The following PTPRD variants were observed in gnomAD, a reference collection of about 807,000 sequenced individuals.
PTPRD encodes receptor-type tyrosine-protein phosphatase delta.
PTPRD carries 34 observed loss-of-function variants against 214.5 expected under a neutral mutation model. The ratio of observed to expected loss-of-function variants is 0.16; its 90% confidence interval spans 0.12 to 0.21. The LOEUF (loss-of-function observed/expected upper bound fraction) is 0.21. Ranked by LOEUF, PTPRD falls within the 10% of genes least tolerant of loss-of-function variation. The pLI, the probability that PTPRD is intolerant of heterozygous loss-of-function variation, is 1.00. For missense variants in PTPRD, 2,545 were observed against 2,398.7 expected, an observed-to-expected ratio of 1.06 and a Z score of -1.27; for synonymous variants, 1,128 against 845.7, an observed-to-expected ratio of 1.33 and a Z score of -5.79.
In PTPRD at chr9:9,211,553, AC is replaced by A. The variant is rs1569562659; in HGVS notation, c.-202-28191del. On this transcript the variant is annotated intron_variant, in intron 9 of 45. Transcript: ENST00000381196. Reference sequence around the variant, plus strand: ...CACACACACACACACACACACACACACACACAAGAGCTAAGGTTTCTTCTCA... The same window carrying A: ...CACACACACACACACACACACACACAACACAAGAGCTAAGGTTTCTTCTCA... Among the ~76,000 whole-genome samples the A allele has an allele frequency of 7.1e-5, 10 of 140,648 alleles. 1 individual carries two copies. The highest frequency in any genetic ancestry group is 2.6e-4 in the African/African-American group (10 of 39,106). 92.3% of individuals were successfully genotyped at this position (140,648 alleles called of 152,430 possible). A position where few individuals can be genotyped will look rare whatever the true frequency, so the allele number is the denominator to read the frequency against.
At chr9:10,440,851 T>C (rs1188581388) in intron 2 of PTPRD, among the ~76,000 whole-genome samples, 1 of 151,750 alleles carries the variant, frequency 6.6e-6, no homozygotes, top group African/African-American at 2.4e-5. Context: ...CAATGAATTG[T>C]TCTAAATTAC....
intron 12 of PTPRD, among the ~76,000 whole-genome samples, chr9:8,709,057 G>T (rs911173768): frequency 6.6e-6 from 1 of 152,032 alleles, no homozygotes; most frequent in Non-Finnish European, 1.5e-5. Context: ...TGATTTCATA[G>T]AAGTAGAAAG....
At chr9:9,467,710 C>G (rs562126760) in intron 8 of PTPRD, among the ~76,000 whole-genome samples, 1 of 148,400 alleles carries the variant, frequency 6.7e-6, no homozygotes, top group Non-Finnish European at 1.5e-5. Context: ...TTATTTTGTA[C>G]TTCTATAGTT....
chr9:9,988,926 C>A (rs934256673), intron 4 of PTPRD, among the ~76,000 whole-genome samples: 1 of 140,246 alleles, frequency 7.1e-6, no homozygotes, highest in African/African-American at 2.6e-5. Context: ...AAAATGAGAC[C>A]AATTACCTTC....
At chr9:9,297,801 G>C (rs758977620) in intron 9 of PTPRD, among the ~76,000 whole-genome samples, 118 of 151,760 alleles carry the variant, frequency 7.8e-4, no homozygotes, top group Middle Eastern at 3.4e-3. Context: ...ATTAATATAA[G>C]AGTTAAATGA....
At chr9:9,739,220 T>A (rs1279434690) in intron 6 of PTPRD, among the ~76,000 whole-genome samples, 2 of 152,180 alleles carry the variant, frequency 1.3e-5, no homozygotes, top group Non-Finnish European at 2.9e-5. Flanking sequence ...AATACAACAC[T>A]GAATACAAGT....
intron 8 of PTPRD, among the ~76,000 whole-genome samples, chr9:9,492,342 A>G (rs1399833321): frequency 6.9e-6 from 1 of 145,350 alleles, no homozygotes; most frequent in East Asian, 2.0e-4. Flanking sequence ...AAAAAAAAAA[A>G]CTAACATAAA....
chr9:8,780,017 G>A (rs1341159080), intron 11 of PTPRD, among the ~76,000 whole-genome samples: 2 of 151,918 alleles, frequency 1.3e-5, no homozygotes, highest in African/African-American at 4.8e-5. Flanking sequence ...TCCTAGTGAG[G>A]GAAAAGTTAA....
At chr9:9,988,792 C>T (rs12346429) in intron 4 of PTPRD, among the ~76,000 whole-genome samples, 2 of 151,734 alleles carry the variant, frequency 1.3e-5, no homozygotes, top group East Asian at 3.9e-4. Context: ...TTTCTTTGTT[C>T]TAAAAGGAAG....
At chr9:10,299,491 T>A (rs1249948316) in intron 3 of PTPRD, among the ~76,000 whole-genome samples, 1 of 152,190 alleles carries the variant, frequency 6.6e-6, no homozygotes, top group Non-Finnish European at 1.5e-5. Context: ...AGACCTTGAA[T>A]GTGCAGATCT....
At chr9:8,735,981 C>G (rs1352843136) in intron 11 of PTPRD, among the ~76,000 whole-genome samples, 1 of 150,872 alleles carries the variant, frequency 6.6e-6, no homozygotes, top group Non-Finnish European at 1.5e-5. Context: ...GGATGGCGAT[C>G]TAAGTCAAAT....
At chr9:9,205,135 T>A (rs2099944077) in intron 9 of PTPRD, among the ~76,000 whole-genome samples, 1 of 152,174 alleles carries the variant, frequency 6.6e-6, no homozygotes, top group Admixed American at 6.5e-5. Context: ...AAATCACTTA[T>A]TTAAAAAAAA....
intron 2 of PTPRD, among the ~76,000 whole-genome samples, chr9:10,357,149 A>G (rs927558342): frequency 6.6e-6 from 1 of 152,206 alleles, no homozygotes; most frequent in East Asian, 1.9e-4. Context: ...CAAATATAAC[A>G]GAAACATAAA....
At position 8,314,273 on chromosome 9, in the gene PTPRD, T is replaced by C. The variant is rs1273101701; in HGVS notation, c.*3601A>G. The C allele has an allele frequency of 4.6e-6, 1 of 215,292 alleles. No individual in the cohort carries two copies. Among genetic ancestry groups the C allele is most frequent in the Non-Finnish European group, 9.4e-6 (1 of 106,404 alleles). 13.3% of individuals were successfully genotyped at this position (215,292 alleles called of 1,614,324 possible). A position where few individuals can be genotyped will look rare whatever the true frequency, so the allele number is the denominator to read the frequency against. On this transcript the variant is annotated 3_prime_UTR_variant, in exon 46 of 46. Transcript: ENST00000381196. ...CATAACACTGACATTTTTATTAGAA[T>C]TCATTTGTAACAAATGGAACTTGTG...
chr9:10,000,586 A>G (rs2154092171), intron 4 of PTPRD, among the ~76,000 whole-genome samples: 1 of 152,334 alleles, frequency 6.6e-6, no homozygotes, highest in African/African-American at 2.4e-5. Context: ...GGAATAATAC[A>G]GGAGTTATTA....
intron 8 of PTPRD, among the ~76,000 whole-genome samples, chr9:9,481,559 A>T (rs1055532961): frequency 5.3e-5 from 8 of 152,122 alleles, no homozygotes; most frequent in African/African-American, 1.9e-4. Context: ...TCAGAAGAAA[A>T]ATGAATATAA....
At chr9:8,494,906 A>G (rs1050971980) in intron 26 of PTPRD, among the ~76,000 whole-genome samples, 1 of 152,022 alleles carries the variant, frequency 6.6e-6, no homozygotes, top group African/African-American at 2.4e-5. Context: ...TGTGCCTGAT[A>G]TTATGGCCAT....
At chr9:10,138,773 C>T (rs1231687152) in intron 3 of PTPRD, among the ~76,000 whole-genome samples, 1 of 152,070 alleles carries the variant, frequency 6.6e-6, no homozygotes, top group East Asian at 1.9e-4. Context: ...ATGTGATTTA[C>T]CACATAAGCC....
intron 6 of PTPRD, among the ~76,000 whole-genome samples, chr9:9,751,870 G>A (rs974909220): frequency 6.6e-6 from 1 of 152,082 alleles, no homozygotes. Context: ...AAAGGTGATT[G>A]TGAGGTTTAA....
Sources: gnomAD v4.1 joint callset for allele counts (sites outside exome capture counted in the v4.1 genomes callset) on GRCh38, gnomAD v4.1.1 for gene constraint, MANE v1.5 for transcripts, NCBI Gene and HGNC (gene_info 2026-07-23, HGNC 2026-07-21) for gene names.